The following FAM110A variants were observed in gnomAD, a reference collection of about 807,000 sequenced individuals.
The protein encoded by FAM110A is family with sequence similarity 110 member A.
A neutral mutation model predicts 4.0 loss-of-function variants in FAM110A; 1 was observed. That is an observed-to-expected ratio of 0.25 (90% CI 0.09 to 1.20). The LOEUF is 1.20. Ranked by LOEUF, FAM110A falls within the 50% of genes most tolerant of loss-of-function variation. FAM110A has a pLI of 0.50. For missense variants in FAM110A, 436 were observed against 429.2 expected (o/e 1.02, Z -0.14); for synonymous variants, 217 against 196.8 (o/e 1.10, Z -0.86).
chr20:835,547 T>C (rs1373871185), intron 1 of FAM110A, among the ~76,000 whole-genome samples: 2 of 152,068 alleles, frequency 1.3e-5, no homozygotes. Flanking sequence ...AAATCCTTCA[T>C]CCCCATTTTG....
chr20:843,213 C>A (rs562119981), intron 1 of FAM110A, among the ~76,000 whole-genome samples: 1 of 152,288 alleles, frequency 6.6e-6, no homozygotes, highest in South Asian at 2.1e-4. Context: ...TTCTCTGAGT[C>A]TCAGTTTCTC....
At chr20:841,703 G>T (rs1600010914) in intron 1 of FAM110A, among the ~76,000 whole-genome samples, 2 of 152,206 alleles carry the variant, frequency 1.3e-5, no homozygotes, top group Admixed American at 1.3e-4. Context: ...AAGGGCCGGC[G>T]GTTGGGGGCA....
Position 844,693 on chromosome 20 carries a change from T to TGG in FAM110A, c.-97-15_-97-14insGG. 1 of 1,244,696 alleles carries TGG rather than the reference T, an allele frequency of 8.0e-7. No homozygotes were observed. The highest frequency in any genetic ancestry group is 1.0e-6 in the Non-Finnish European group (1 of 983,956). 77.1% of individuals were successfully genotyped at this position (1,244,696 alleles called of 1,614,324 possible). A position where few individuals can be genotyped will look rare whatever the true frequency, so the allele number is the denominator to read the frequency against. On this transcript the variant is annotated splice_polypyrimidine_tract_variant and intron_variant, in intron 1 of 1. Transcript: ENST00000381941. ...CGCTCGGCTTTTTTTTTTTTTTCTC[T>TGG]CTCCTTCCCTGCAGCAGTGGCCGGT...
chr20:839,946 A>G, intron 1 of FAM110A: 3 of 1,530,344 alleles, frequency 2.0e-6, no homozygotes, highest in Non-Finnish European at 1.8e-6. Context: ...GAGTTCATGA[A>G]TGGCAATCCG....
rs553155945 is a variant in FAM110A, at chr20:840,923, C to T, written c.-97-3785C>T. ...GGGTTACCCGATACCAAGAAAAACA[C>T]TTTCCCGTGCCTGGCACAGTGAACA... On this transcript the variant is annotated intron_variant, in intron 1 of 1. Transcript: ENST00000381941. The surrounding 1 kb of genome is among the most constrained non-coding windows in gnomAD (Gnocchi z 4.4). Among the ~76,000 whole-genome samples, 2 of 152,296 alleles carry T rather than the reference C, an allele frequency of 1.3e-5. No homozygotes were observed. Among genetic ancestry groups the T allele is most frequent in the South Asian group, 2.1e-4 (1 of 4,830 alleles).
At chr20:835,783 G>A (rs1979546037) in intron 1 of FAM110A, among the ~76,000 whole-genome samples, 1 of 152,226 alleles carries the variant, frequency 6.6e-6, no homozygotes, top group Non-Finnish European at 1.5e-5. Context: ...CCAGCTGGGT[G>A]TCCCTGACCT....
Position 845,183 on chromosome 20 carries a change from C to A in FAM110A, c.379C>A (p.Pro127Thr). The part of the protein sequence containing the change: ...PVSPAEASRT[P>T]GRAEGAGRPP... ...GTCCCCTGCCGAGGCCAGCCGCACT[C>A]CTGGACGGGCCGAGGGAGCCGGCCG... Residue 127 changes from proline to threonine, a missense_variant, in exon 2 of 2, where the codon CCT (proline) becomes ACT (threonine). Physicochemically the swap from Pro to Thr is conservative, Grantham distance 38. Coordinates refer to ENST00000381941, the MANE Select transcript of FAM110A (RefSeq NM_001042353.3). The A allele has an allele frequency of 6.4e-7, 1 of 1,570,276 alleles. No homozygotes were observed. The highest frequency in any genetic ancestry group is 8.6e-7 in the Non-Finnish European group (1 of 1,162,414).
intron 1 of FAM110A, among the ~76,000 whole-genome samples, chr20:838,857 T>C (rs1979720549): frequency 6.7e-6 from 1 of 149,654 alleles, no homozygotes; most frequent in African/African-American, 2.5e-5. Flanking sequence ...TCTTGCTCTG[T>C]TGTCCAGGCT....
Position 845,456 on chromosome 20 carries a change from G to A in FAM110A, c.652G>A (p.Gly218Arg), listed in dbSNP as rs751131727. Reference sequence around the variant, plus strand: ...CGGCCTGGACCCGGAGGAGGCGAGAGGGTTGGGTGTGGCCCACCTGGCACG... The same window carrying A: ...CGGCCTGGACCCGGAGGAGGCGAGAAGGTTGGGTGTGGCCCACCTGGCACG... Reference protein sequence around the residue: ...FCGLDPEEARGLGVAHLARAS... With the variant: ...FCGLDPEEARRLGVAHLARAS... The change falls in exon 2 of 2, where the codon GGG (glycine) becomes AGG (arginine). Residue 218 changes from glycine to arginine, a missense_variant. Coordinates refer to ENST00000381941, the MANE Select transcript of FAM110A (RefSeq NM_001042353.3). 1.9e-6 allele frequency: 3 copies of A among 1,613,650 alleles called. No individual in the cohort carries two copies. Among genetic ancestry groups the A allele is most frequent in the East Asian group, 2.2e-5 (1 of 44,874 alleles).
chr20:844,655 C>A, intron 1 of FAM110A, 53 bp from the exon 2 acceptor site: 1 of 1,288,620 alleles, frequency 7.8e-7, no homozygotes, highest in Non-Finnish European at 9.9e-7. Context: ...GGCTGAGCCT[C>A]TTTGTCTGAG....
At chr20:843,030 T>C (rs1286936981) in intron 1 of FAM110A, among the ~76,000 whole-genome samples, 3 of 152,112 alleles carry the variant, frequency 2.0e-5, no homozygotes, top group South Asian at 4.1e-4. Context: ...GCTGATATTT[T>C]AGGGGGATAG....
Position 834,436 on chromosome 20 carries a change from G to A in FAM110A, c.-98+485G>A, listed in dbSNP as rs1265461487. Among the ~76,000 whole-genome samples the A allele has an allele frequency of 6.6e-6, 1 of 152,236 alleles. No homozygotes were observed. The highest frequency in any genetic ancestry group is 1.5e-5 in the Non-Finnish European group (1 of 68,040). On this transcript the variant is annotated intron_variant, in intron 1 of 1. Coordinates refer to ENST00000381941, the MANE Select transcript of FAM110A (RefSeq NM_001042353.3). This position sits in a 1 kb window ranked among gnomAD's most constrained non-coding sequence, Gnocchi z 5.6. Reference sequence around the variant, plus strand: ...TTCTGGGCTGGATGCAGGGGCAGCAGATTCTCCAGCCCCCAGAGCCGCTGC... The same window carrying A: ...TTCTGGGCTGGATGCAGGGGCAGCAAATTCTCCAGCCCCCAGAGCCGCTGC...
Position 845,776 on chromosome 20 carries a change from A to ACGGC in FAM110A, c.*87_*90dup. 2 of 1,562,276 alleles carry ACGGC rather than the reference A, an allele frequency of 1.3e-6. No homozygotes were observed. The highest frequency in any genetic ancestry group is 1.7e-6 in the Non-Finnish European group (2 of 1,154,702). On this transcript the variant is annotated 3_prime_UTR_variant, in exon 2 of 2. Coordinates refer to ENST00000381941, the MANE Select transcript of FAM110A (RefSeq NM_001042353.3). ...GACCTCTCTTGCATCCATTCTCTAGACGGCCGTGTCAGAGGCTCCACCCTG... is the reference window on the plus strand; with the variant it reads ...GACCTCTCTTGCATCCATTCTCTAGACGGCCGGCCGTGTCAGAGGCTCCACCCTG...
chr20:844,116 C>T (rs571261628), intron 1 of FAM110A, among the ~76,000 whole-genome samples: 105 of 152,312 alleles, frequency 6.9e-4, no homozygotes, highest in African/African-American at 2.5e-3. Flanking sequence ...GGGCAGCTTC[C>T]TGCCTGGATG....
intron 1 of FAM110A, among the ~76,000 whole-genome samples, chr20:838,722 T>C (rs746156201): frequency 6.6e-6 from 1 of 152,062 alleles, no homozygotes; most frequent in Non-Finnish European, 1.5e-5. Context: ...CAGGGAGGGC[T>C]TTGTGGCCAG....
chr20:842,356 G>A (rs1050023794), intron 1 of FAM110A, among the ~76,000 whole-genome samples: 1 of 152,204 alleles, frequency 6.6e-6, no homozygotes, highest in Non-Finnish European at 1.5e-5. Flanking sequence ...GGCCCCGCCC[G>A]TCTGACCTCC....
At chr20:837,051 T>TG (rs1234455561) in intron 1 of FAM110A, among the ~76,000 whole-genome samples, 16 of 140,604 alleles carry the variant, frequency 1.1e-4, no homozygotes, top group Non-Finnish European at 2.3e-4. Context: ...CATTGTTTTT[T>TG]TTTTTTTTTT....
In FAM110A at chr20:840,896, A is replaced by G. The variant is rs1979849142; in HGVS notation, c.-97-3812A>G. On this transcript the variant is annotated intron_variant, in intron 1 of 1. Transcript: ENST00000381941. This position sits in a 1 kb window ranked among gnomAD's most constrained non-coding sequence, Gnocchi z 4.4. ...GATAGTGATTGTTGGGAAGATTAAA[A>G]TGGGTTACCCGATACCAAGAAAAAC... 1.3e-5 allele frequency among the ~76,000 whole-genome samples: 2 copies of G among 152,334 alleles called. No homozygotes were observed. Among genetic ancestry groups the G allele is most frequent in the Non-Finnish European group, 1.5e-5 (1 of 68,034 alleles).
rs748736500 is a variant in FAM110A, at chr20:844,866, G to C, written c.62G>C (p.Arg21Pro). Residue 21 changes from arginine to proline, a missense_variant, in exon 2 of 2, where the codon CGG becomes CCG. Transcript: ENST00000381941. The stretch of plus-strand genomic sequence containing the variant: ...GCCCCCGCCCTACCTTGCCGCCTGC[G>C]GACCAGGGTCCCTGGCTACCTGCTA... ...PSAPALPCRL[R>P]TRVPGYLLRG... The C allele has an allele frequency of 7.1e-6, 11 of 1,542,674 alleles. No homozygotes were observed. The highest frequency in any genetic ancestry group is 1.4e-5 in the African/African-American group (1 of 72,666).
Sources: gnomAD v4.1 joint callset for allele counts (sites outside exome capture counted in the v4.1 genomes callset) on GRCh38, gnomAD v4.1.1 for gene constraint, Gnocchi (gnomAD v3.1) non-coding constraint, MANE v1.5 for transcripts, NCBI Gene and HGNC (gene_info 2026-07-23, HGNC 2026-07-21) for gene names.